Variants in OR9A4 observed in about 807,000 individuals in gnomAD.
OR9A4 encodes the protein olfactory receptor 9A4.
Under a neutral mutation model 17.1 loss-of-function variants are expected in OR9A4, and 16 were observed. The ratio of observed to expected loss-of-function variants is 0.94; its 90% confidence interval spans 0.64 to 1.43. The LOEUF (loss-of-function observed/expected upper bound fraction) is 1.43, where lower values mean the gene tolerates loss of function less well. Ranked by LOEUF, OR9A4 falls within the 40% of genes most tolerant of loss-of-function variation. The pLI, the probability that OR9A4 is intolerant of heterozygous loss-of-function variation, is 0.00. For missense variants in OR9A4, 392 were observed against 382.1 expected, an observed-to-expected ratio of 1.03 and a Z score of -0.22; for synonymous variants, 167 against 143.3, an observed-to-expected ratio of 1.17 and a Z score of -1.18.
chr7:141,916,925 T>A (rs1482203940), intron 1 of OR9A4, among the ~76,000 whole-genome samples: 1 of 152,122 alleles, frequency 6.6e-6, no homozygotes, highest in Non-Finnish European at 1.5e-5. Context: ...GCCTGCCACA[T>A]AGTAGGGGAG....
At position 141,919,561 on chromosome 7, in the gene OR9A4, C is replaced by T. The variant is rs535851431; in HGVS notation, c.686C>T (p.Pro229Leu). 12 of 1,614,168 alleles carry T rather than the reference C, an allele frequency of 7.4e-6. No individual in the cohort carries two copies. Among genetic ancestry groups the T allele is most frequent in the Middle Eastern group, 1.6e-4 (1 of 6,062 alleles). The change falls in exon 2 of 2, where the codon CCG (proline) becomes CTG (leucine). Residue 229 changes from proline (P) to leucine (L), a missense_variant. By Grantham distance (98) the Pro-to-Leu change is moderately conservative. Transcript: ENST00000641559. ...AYIISTILKIPSSSGRRKSFS... is the reference protein window; with the variant it reads ...AYIISTILKILSSSGRRKSFS... The stretch of plus-strand genomic sequence containing the variant: ...ATCATCTCCACCATTCTCAAGATCC[C>T]GTCATCCTCTGGCCGGAGGAAATCC...
Position 141,919,142 on chromosome 7 carries a change from G to C in OR9A4, c.267G>C (p.Met89Ile), listed in dbSNP as rs782035229. The C allele has an allele frequency of 6.2e-7, 1 of 1,614,142 alleles. No individual in the cohort carries two copies. Among genetic ancestry groups the C allele is most frequent in the African/African-American group, 1.3e-5 (1 of 75,012 alleles). The change falls in exon 2 of 2, where the codon ATG (methionine) becomes ATC (isoleucine). Residue 89 changes from methionine to isoleucine, a missense_variant. Transcript: ENST00000641559. ...VMLWGLLLPGMQTIYLSACVV... is the reference protein window; with the variant it reads ...VMLWGLLLPGIQTIYLSACVV... ...TTTGGGGATTGCTGCTCCCTGGGATGCAGACAATATATTTGTCTGCCTGTG... is the reference window on the plus strand; with the variant it reads ...TTTGGGGATTGCTGCTCCCTGGGATCCAGACAATATATTTGTCTGCCTGTG...
rs782265927 is a variant in OR9A4 at position 141,919,539 on chromosome 7, A to T, written c.664A>T (p.Ile222Phe). 1.2e-6 allele frequency: 2 copies of T among 1,613,982 alleles called. No individual in the cohort carries two copies. Among genetic ancestry groups the T allele is most frequent in the South Asian group, 2.2e-5 (2 of 91,078 alleles). Residue 222 changes from isoleucine to phenylalanine, a missense_variant, in exon 2 of 2, where the codon ATC becomes TTC. Physicochemically the swap from Ile to Phe is conservative, Grantham distance 21 (BLOSUM62 0). Transcript: ENST00000641559. ...IPTIVSNAYI[I>F]STILKIPSSS... is the part of the protein sequence containing the mutation. Reference sequence around the variant, plus strand: ...TACAATTGTCTCCAACGCCTACATCATCTCCACCATTCTCAAGATCCCGTC... The same window carrying T: ...TACAATTGTCTCCAACGCCTACATCTTCTCCACCATTCTCAAGATCCCGTC...
rs183683646 is a variant in OR9A4, at chr7:141,918,725, C to T, written c.-30-121C>T. On this transcript the variant is annotated intron_variant, in intron 1 of 1. Transcript: ENST00000641559. ...TTCATGAAGTATTTGACATCAACAT[C>T]GTGTAGAAAATAGTAGAGTCAGGTT... is the stretch of plus-strand genomic sequence containing the variant. 1.8e-4 allele frequency: 111 copies of T among 606,594 alleles called. 2 individuals are homozygous for T. Among genetic ancestry groups the T allele is most frequent in the South Asian group, 1.6e-3 (70 of 44,020 alleles). 37.6% of individuals were successfully genotyped at this position (606,594 alleles called of 1,614,324 possible). A position where few individuals can be genotyped will look rare whatever the true frequency, so the allele number is the denominator to read the frequency against.
intron 1 of OR9A4, among the ~76,000 whole-genome samples, chr7:141,918,470 G>T (rs1554438961): frequency 6.6e-6 from 1 of 152,224 alleles, no homozygotes; most frequent in East Asian, 1.9e-4. Flanking sequence ...AATAGGCAGA[G>T]AAGGCAATTT....
chr7:141,918,353 C>T (rs1410464072), intron 1 of OR9A4, among the ~76,000 whole-genome samples: 1 of 152,208 alleles, frequency 6.6e-6, no homozygotes, highest in Non-Finnish European at 1.5e-5. Context: ...GATCCGCCTG[C>T]CTTGGCCTCA....
In OR9A4 at chr7:141,919,341, C is replaced by G. The variant is rs782594459; in HGVS notation, c.466C>G (p.Gln156Glu). Residue 156 changes from glutamine (Q) to glutamate (E), a missense_variant, in exon 2 of 2, where the codon CAA becomes GAA. Transcript: ENST00000641559. ...LVSWVFGFLF[Q>E]IWPVYVMFQL... ...GTCATGGGTGTTTGGGTTTCTTTTTCAAATCTGGCCGGTCTATGTCATGTT... is the reference window on the plus strand; with the variant it reads ...GTCATGGGTGTTTGGGTTTCTTTTTGAAATCTGGCCGGTCTATGTCATGTT... 1.2e-6 allele frequency: 2 copies of G among 1,614,088 alleles called. No individual in the cohort carries two copies. Among genetic ancestry groups the G allele is most frequent in the Non-Finnish European group, 1.7e-6 (2 of 1,180,024 alleles).
Position 141,920,280 on chromosome 7 carries a change from C to A in OR9A4, c.*460C>A, listed in dbSNP as rs73525905. 6.6e-6 allele frequency: 1 copy of A among 152,546 alleles called. No individual in the cohort carries two copies. Among genetic ancestry groups the A allele is most frequent in the African/African-American group, 2.4e-5 (1 of 41,328 alleles). The allele number at this position is 152,546 out of a possible 1,614,324, so 9.4% of individuals were successfully genotyped here. ...ATTGAACTATACATTTTCAATGAGTCAACTTTATGGAATGTGATTTATATT... is the reference window on the plus strand; with the variant it reads ...ATTGAACTATACATTTTCAATGAGTAAACTTTATGGAATGTGATTTATATT... On this transcript the variant is annotated 3_prime_UTR_variant, in exon 2 of 2. Transcript: ENST00000641559.
rs1318126730 is a variant in OR9A4, at chr7:141,919,231, C to T, written c.356C>T (p.Ala119Val). ...TTEFALLGAM[A>V]VDRYVAVCNP... ...GAGTTCGCATTACTTGGAGCAATGG[C>T]TGTGGACCGTTATGTGGCTGTCTGT... Residue 119 changes from alanine to valine, a missense_variant, in exon 2 of 2, where the codon GCT becomes GTT. Transcript: ENST00000641559. 6.2e-7 allele frequency: 1 copy of T among 1,613,980 alleles called. No individual in the cohort carries two copies. The highest frequency in any genetic ancestry group is 8.5e-7 in the Non-Finnish European group (1 of 1,180,032).
rs1183362666 is a variant in OR9A4 at position 141,916,411 on chromosome 7, CAA to C, written c.-254_-253del. On this transcript the variant is annotated 5_prime_UTR_variant, in exon 1 of 2. Coordinates refer to ENST00000641559, the MANE Select transcript of OR9A4 (RefSeq NM_001001656.3). Reference sequence around the variant, plus strand: ...CAGATAAGGGAGTGAGAGAAGGAAGCAAAGAGAAGGAGAGAGATAGAGACAGT... The same window carrying C: ...CAGATAAGGGAGTGAGAGAAGGAAGCAGAGAAGGAGAGAGATAGAGACAGT... The C allele has an allele frequency of 2.6e-5, 4 of 152,204 alleles. No individual in the cohort carries two copies. The highest frequency in any genetic ancestry group is 9.7e-5 in the African/African-American group (4 of 41,420). The allele number at this position is 152,204 out of a possible 1,614,324, so 9.4% of individuals were successfully genotyped here. A position where few individuals can be genotyped will look rare whatever the true frequency, so the allele number is the denominator to read the frequency against.
In OR9A4 at chr7:141,919,001, A is replaced by G; in HGVS notation, c.126A>G (p.Thr42=). The G allele has an allele frequency of 1.2e-6, 2 of 1,614,124 alleles. No homozygotes were observed. Among genetic ancestry groups the G allele is most frequent in the Non-Finnish European group, 8.5e-7 (1 of 1,180,024 alleles). Residue 42 remains threonine, a synonymous_variant, in exon 2 of 2, where the codon ACA becomes ACG. Coordinates refer to ENST00000641559, the MANE Select transcript of OR9A4 (RefSeq NM_001001656.3). The stretch of plus-strand genomic sequence containing the variant: ...ACTTGGTGACATTAATGGGAAACAC[A>G]GTCATCATCATGATTGTCTGTGTGG... ...FFYLVTLMGN[T]VIIMIVCVDK...
intron 1 of OR9A4, among the ~76,000 whole-genome samples, chr7:141,917,428 G>T (rs1802203316): frequency 6.6e-6 from 1 of 152,188 alleles, no homozygotes; most frequent in Non-Finnish European, 1.5e-5. Context: ...CCATTTTGGT[G>T]TCTTCTGACA....
chr7:141,919,042 C>A lies in OR9A4; in HGVS notation c.167C>A (p.Ser56Tyr), dbSNP rs782474444. The change falls in exon 2 of 2, where the codon TCC (serine) becomes TAC (tyrosine). Residue 56 changes from serine to tyrosine, a missense_variant. Physicochemically the swap from Ser to Tyr is moderately radical, Grantham distance 144 (BLOSUM62 -2). Coordinates refer to ENST00000641559, the MANE Select transcript of OR9A4 (RefSeq NM_001001656.3). Reference sequence around the variant, plus strand: ...GTCTGTGTGGATAAACGTCTGCAGTCCCCCATGTATTTCTTCCTCGGCCAC... The same window carrying A: ...GTCTGTGTGGATAAACGTCTGCAGTACCCCATGTATTTCTTCCTCGGCCAC... ...MIVCVDKRLQ[S>Y]PMYFFLGHLS... is the part of the protein sequence containing the mutation. 2 of 1,614,144 alleles carry A rather than the reference C, an allele frequency of 1.2e-6. No individual in the cohort carries two copies.
In OR9A4 at chr7:141,919,838, T is replaced by A; in HGVS notation, c.*18T>A. ...GGAATTAGCCTTGCTCTGAGGACTTTTACATGGTAAAGCACTTAGTATGGA... is the reference window on the plus strand; with the variant it reads ...GGAATTAGCCTTGCTCTGAGGACTTATACATGGTAAAGCACTTAGTATGGA... On this transcript the variant is annotated 3_prime_UTR_variant, in exon 2 of 2. Transcript: ENST00000641559. The A allele has an allele frequency of 6.4e-7, 1 of 1,570,396 alleles. No homozygotes were observed. Among genetic ancestry groups the A allele is most frequent in the Non-Finnish European group, 8.7e-7 (1 of 1,151,314 alleles).
rs1554439079 is a variant in OR9A4, at chr7:141,919,331, G to A, written c.456G>A (p.Gly152=). 6.2e-7 allele frequency: 1 copy of A among 1,613,916 alleles called. No homozygotes were observed. The stretch of plus-strand genomic sequence containing the variant: ...TGGTTCTTGTGTCATGGGTGTTTGG[G>A]TTTCTTTTTCAAATCTGGCCGGTCT... ...NFVVLVSWVF[G]FLFQIWPVYV... The change falls in exon 2 of 2, where the codon GGG becomes GGA. Residue 152 remains glycine (G), a synonymous_variant. Coordinates refer to ENST00000641559, the MANE Select transcript of OR9A4 (RefSeq NM_001001656.3).
At chr7:141,917,213 A>G (rs1314978803) in intron 1 of OR9A4, among the ~76,000 whole-genome samples, 2 of 152,178 alleles carry the variant, frequency 1.3e-5, no homozygotes, top group Non-Finnish European at 2.9e-5. Flanking sequence ...AAATTAATAA[A>G]CAAGTAATAG....
At position 141,920,511 on chromosome 7, in the gene OR9A4, C is replaced by T. The variant is rs1802263717; in HGVS notation, c.*691C>T. 6.6e-6 allele frequency: 1 copy of T among 151,798 alleles called. No homozygotes were observed. The highest frequency in any genetic ancestry group is 6.6e-5 in the Admixed American group (1 of 15,224). The allele number at this position is 151,798 out of a possible 1,614,324, so 9.4% of individuals were successfully genotyped here. A position where few individuals can be genotyped will look rare whatever the true frequency, so the allele number is the denominator to read the frequency against. On this transcript the variant is annotated 3_prime_UTR_variant, in exon 2 of 2. Transcript: ENST00000641559. ...GCATAGTGAGTAATAAGTGAGAGAT[C>T]CTAGGGAAGGCATAACAAAGATGCT...
In OR9A4 at chr7:141,920,052, T is replaced by C. The variant is rs1802257022; in HGVS notation, c.*232T>C. ...TTGCTATCTAGCTATCTATCTATCA[T>C]CTGCCTTTCTTAAGATATGATGATT... On this transcript the variant is annotated 3_prime_UTR_variant, in exon 2 of 2. Coordinates refer to ENST00000641559, the MANE Select transcript of OR9A4 (RefSeq NM_001001656.3). 1 of 433,992 alleles carries C rather than the reference T, an allele frequency of 2.3e-6. No individual in the cohort carries two copies. Among genetic ancestry groups the C allele is most frequent in the South Asian group, 4.7e-5 (1 of 21,432 alleles). 26.9% of individuals were successfully genotyped at this position (433,992 alleles called of 1,614,324 possible). A position where few individuals can be genotyped will look rare whatever the true frequency, so the allele number is the denominator to read the frequency against.
In OR9A4 at chr7:141,919,514, T is replaced by G; in HGVS notation, c.639T>G (p.Pro213=). 3 of 1,614,208 alleles carry G rather than the reference T, an allele frequency of 1.9e-6. No homozygotes were observed. Among genetic ancestry groups the G allele is most frequent in the Non-Finnish European group, 2.5e-6 (3 of 1,180,028 alleles). The change falls in exon 2 of 2, where the codon CCT becomes CCG. Residue 213 remains proline (P), a synonymous_variant. Transcript: ENST00000641559. ...AVFVLFGSLI[P]TIVSNAYIIS... ...TTGTTCTCTTTGGTTCTTTGATCCC[T>G]ACAATTGTCTCCAACGCCTACATCA... is the stretch of plus-strand genomic sequence containing the variant.
Sources: allele counts gnomAD v4.1 joint callset (sites outside exome capture counted in the v4.1 genomes callset), GRCh38; gene constraint gnomAD v4.1.1; transcripts MANE v1.5; gene names NCBI Gene and HGNC (gene_info 2026-07-23, HGNC 2026-07-21).